Variants in NCKAP1L observed in about 807,000 individuals in gnomAD.
NCKAP1L encodes the protein nck-associated protein 1-like.
In NCKAP1L, 53 loss-of-function variants were observed where a neutral mutation model predicts 139.2. The observed-to-expected ratio is 0.38, with a 90% confidence interval of 0.31 to 0.48. The LOEUF is 0.48. NCKAP1L is among the 20% of genes least tolerant of loss of function. NCKAP1L has a pLI of 0.98. For missense variants in NCKAP1L, 1,151 were observed against 1,381.9 expected (o/e 0.83, Z 2.65); for synonymous variants, 468 against 499.7 (o/e 0.94, Z 0.85).
rs747154332 is a variant in NCKAP1L at position 54,507,878 on chromosome 12, C to T, written c.332C>T (p.Thr111Ile). ...GATCATGTATATGAACTTCTCAACACCATTGATGCCTGCCAGTGCCATTTT... is the reference window on the plus strand; with the variant it reads ...GATCATGTATATGAACTTCTCAACATCATTGATGCCTGCCAGTGCCATTTT... ...FRDHVYELLN[T>I]IDACQCHFDI... Residue 111 changes from threonine (T) to isoleucine (I), a missense_variant, in exon 4 of 31, where the codon ACC (threonine) becomes ATC (isoleucine). Physicochemically the swap from Thr to Ile is moderately conservative, Grantham distance 89. Coordinates refer to ENST00000293373, the MANE Select transcript of NCKAP1L (RefSeq NM_005337.5). 9.3e-6 allele frequency: 15 copies of T among 1,613,992 alleles called. 1 individual carries two copies. The highest frequency in any genetic ancestry group is 5.5e-5 in the South Asian group (5 of 91,076).
chr12:54,526,844 G>T (rs1957031170), intron 21 of NCKAP1L, 98 bp downstream of exon 21: 2 of 948,142 alleles, frequency 2.1e-6, no homozygotes, highest in African/African-American at 1.6e-5. Context: ...AGCTCCCAGG[G>T]TCATAGACTC....
intron 12 of NCKAP1L, 51 bp downstream of exon 12, chr12:54,517,693 G>A: frequency 7.0e-6 from 11 of 1,580,046 alleles, no homozygotes; most frequent in Non-Finnish European, 9.6e-6. Flanking sequence ...ACTGGGGACA[G>A]GGAGGCATCA....
chr12:54,500,632 TC>T lies in NCKAP1L; in HGVS notation c.306+8del, dbSNP rs1473017567. ...GGATGTCATGGAATTTCGGGTGAGCTCTCTTGAGCCGTTTCCAATGTAGGCA... is the reference window on the plus strand; with the variant it reads ...GGATGTCATGGAATTTCGGGTGAGCTTCTTGAGCCGTTTCCAATGTAGGCA... On this transcript the variant is annotated splice_region_variant and intron_variant, in intron 3 of 30. Transcript: ENST00000293373. 24 of 1,577,122 alleles carry T rather than the reference TC, an allele frequency of 1.5e-5. 1 individual carries two copies. In the Admixed American group the frequency reaches 2.8e-4, roughly 19 times the overall value.
chr12:54,517,943 G>T lies in NCKAP1L; in HGVS notation c.1338+5G>T. On this transcript the variant is annotated splice_donor_5th_base_variant and intron_variant, in intron 13 of 30. Coordinates refer to ENST00000293373, the MANE Select transcript of NCKAP1L (RefSeq NM_005337.5). ...GTGCTCAGTGACATCATTCAGGTAT[G>T]ATATTTAATTGATTATACTTTGGAA... 1 of 1,613,928 alleles carries T rather than the reference G, an allele frequency of 6.2e-7. No individual in the cohort carries two copies. Among genetic ancestry groups the T allele is most frequent in the Non-Finnish European group, 8.5e-7 (1 of 1,179,910 alleles).
Position 54,517,421 on chromosome 12 carries a change from C to A in NCKAP1L, c.1096-112C>A, listed in dbSNP as rs557585998. On this transcript the variant is annotated intron_variant, in intron 11 of 30. Coordinates refer to ENST00000293373, the MANE Select transcript of NCKAP1L (RefSeq NM_005337.5). ...TGAGTCTGAATGTTTATTATTCACA[C>A]TGTTGTGGCTACACAATTACATCCA... 105 of 728,420 alleles carry A rather than the reference C, an allele frequency of 1.4e-4. 1 individual carries two copies. In the South Asian group the frequency reaches 1.6e-3, roughly 11 times the overall value. 45.1% of individuals were successfully genotyped at this position (728,420 alleles called of 1,614,324 possible).
chr12:54,533,774 T>G lies in NCKAP1L; in HGVS notation c.2863-1330T>G, dbSNP rs1957092416. ...TAGTAAAGACAGGGTTTCACCAGGTTGGCCAGGCTTGTCTCCAACTCCTGG... is the reference window on the plus strand; with the variant it reads ...TAGTAAAGACAGGGTTTCACCAGGTGGGCCAGGCTTGTCTCCAACTCCTGG... On this transcript the variant is annotated intron_variant, in intron 26 of 30. Transcript: ENST00000293373. Among the ~76,000 whole-genome samples the G allele has an allele frequency of 2.6e-5, 4 of 152,176 alleles. No homozygotes were observed. The South Asian group carries it at 8.3e-4, about 32-fold the overall frequency.
chr12:54,542,760 T>A lies in NCKAP1L; in HGVS notation c.*75T>A. ...GCCATAGTGGAAGCTGTGGTCACTT[T>A]CGCAGGGGGTGGGAATGGGGTGGGG... On this transcript the variant is annotated 3_prime_UTR_variant, in exon 31 of 31. Transcript: ENST00000293373. The A allele has an allele frequency of 7.1e-6, 4 of 566,570 alleles. No individual in the cohort carries two copies. Among genetic ancestry groups the A allele is most frequent in the Non-Finnish European group, 1.3e-5 (4 of 297,550 alleles). 35.1% of individuals were successfully genotyped at this position (566,570 alleles called of 1,614,324 possible).
chr12:54,531,655 A>G, intron 24 of NCKAP1L, 71 bp downstream of exon 24: 1 of 1,601,342 alleles, frequency 6.2e-7, no homozygotes, highest in South Asian at 1.1e-5. Flanking sequence ...GTTTTCAGGA[A>G]TCTGGAGGCT....
Position 54,518,658 on chromosome 12 carries a change from C to T in NCKAP1L, c.1346C>T (p.Ser449Phe), listed in dbSNP as rs752399252. 1.2e-6 allele frequency: 2 copies of T among 1,613,994 alleles called. No individual in the cohort carries two copies. Among genetic ancestry groups the T allele is most frequent in the South Asian group, 2.2e-5 (2 of 91,080 alleles). The change falls in exon 14 of 31, where the codon TCT becomes TTT. Residue 449 changes from serine (S) to phenylalanine (F), a missense_variant. Physicochemically the swap from Ser to Phe is radical, Grantham distance 155. Coordinates refer to ENST00000293373, the MANE Select transcript of NCKAP1L (RefSeq NM_005337.5). ...CTGCAGCTCCTTTTTTAGAACTTGTCTGTGTGTCCAGAGGAGGAGTCCATC... is the reference window on the plus strand; with the variant it reads ...CTGCAGCTCCTTTTTTAGAACTTGTTTGTGTGTCCAGAGGAGGAGTCCATC... ...LVLSDIIQNL[S>F]VCPEEESIIM...
In NCKAP1L at chr12:54,528,309, A is replaced by G; in HGVS notation, c.2438A>G (p.Gln813Arg). The G allele has an allele frequency of 6.2e-7, 1 of 1,614,022 alleles. No homozygotes were observed. The highest frequency in any genetic ancestry group is 1.1e-5 in the South Asian group (1 of 91,072). The change falls in exon 22 of 31, where the codon CAG (glutamine) becomes CGG (arginine). Residue 813 changes from glutamine to arginine, a missense_variant. Transcript: ENST00000293373. ...SGTIILSPAM[Q>R]AFVSLPREGE... ...ACCATCATCCTCTCCCCAGCCATGC[A>G]GGCCTTCGTCAGCCTGCCCAGAGAA...
chr12:54,498,978 T>G, intron 1 of NCKAP1L: 1 of 261,162 alleles, frequency 3.8e-6, no homozygotes, highest in Non-Finnish European at 5.9e-6. Flanking sequence ...CAGGCTGGAG[T>G]GCAGTGGCAC....
At position 54,523,975 on chromosome 12, in the gene NCKAP1L, C is replaced by A; in HGVS notation, c.2156+19C>A. On this transcript the variant is annotated intron_variant, in intron 20 of 30. Coordinates refer to ENST00000293373, the MANE Select transcript of NCKAP1L (RefSeq NM_005337.5). ...TCAACAGGTATCACTCTTTCCTTGT[C>A]CTCTGTTTGGACAGTAGTCTTCATA... 6.2e-7 allele frequency: 1 copy of A among 1,610,520 alleles called. No individual in the cohort carries two copies.
intron 11 of NCKAP1L, 135 bp downstream of exon 11, chr12:54,517,127 A>G (rs1565676567): frequency 1.4e-6 from 1 of 706,636 alleles, no homozygotes; most frequent in Admixed American, 2.6e-5. Flanking sequence ...TCCCTTGAAC[A>G]TTCTTGGAGT....
At chr12:54,532,058 T>C in intron 25 of NCKAP1L, 112 bp from the exon 26 acceptor site, 1 of 883,932 alleles carries the variant, frequency 1.1e-6, no homozygotes, top group Non-Finnish European at 1.7e-6. Flanking sequence ...GAAAGCTGGC[T>C]AGGTTCTTAT....
At chr12:54,506,785 TAA>T (rs1291340610) in intron 3 of NCKAP1L, among the ~76,000 whole-genome samples, 19 of 60,344 alleles carry the variant, frequency 3.1e-4, no homozygotes, top group South Asian at 7.9e-4. Context: ...GGCAACATAT[TAA>T]AAAAAAAAAA....
chr12:54,526,609 A>G lies in NCKAP1L; in HGVS notation c.2238A>G (p.Ala746=), dbSNP rs529783939. 1 of 1,614,108 alleles carries G rather than the reference A, an allele frequency of 6.2e-7. No individual in the cohort carries two copies. The highest frequency in any genetic ancestry group is 1.1e-5 in the South Asian group (1 of 91,074). The change falls in exon 21 of 31, where the codon GCA becomes GCG. Residue 746 remains alanine (A), a synonymous_variant. Transcript: ENST00000293373. Reference sequence around the variant, plus strand: ...CTGAGCTGTTGGCAGGAGTCAAAGCATACATTGGTTTCATACAGTCACTGG... The same window carrying G: ...CTGAGCTGTTGGCAGGAGTCAAAGCGTACATTGGTTTCATACAGTCACTGG... ...RPSELLAGVK[A]YIGFIQSLAQ...
chr12:54,506,403 AAT>A (rs202128557), intron 3 of NCKAP1L, among the ~76,000 whole-genome samples: 1 of 150,570 alleles, frequency 6.6e-6, no homozygotes. Context: ...GCTTATTATA[AAT>A]ATATATATAT....
chr12:54,500,805 A>G, intron 3 of NCKAP1L, 180 bp downstream of exon 3: 1 of 538,408 alleles, frequency 1.9e-6, no homozygotes, highest in Admixed American at 3.4e-5. Context: ...TATATGATAC[A>G]TCACATTTCT....
In NCKAP1L at chr12:54,517,064, G is replaced by A. The variant is rs1177654208; in HGVS notation, c.1095+72G>A. 22 of 1,335,134 alleles carry A rather than the reference G, an allele frequency of 1.6e-5. No individual in the cohort carries two copies. The Admixed American group carries it at 3.2e-4, about 19-fold the overall frequency. The allele number at this position is 1,335,134 out of a possible 1,614,324, so 82.7% of individuals were successfully genotyped here. ...GACTGTGTAGCTACGTGGCACTCAC[G>A]AGATTTTGCCTTTCTGAGTCTTTTG... On this transcript the variant is annotated intron_variant, in intron 11 of 30. Transcript: ENST00000293373.
Sources: allele counts gnomAD v4.1 joint callset (sites outside exome capture counted in the v4.1 genomes callset), GRCh38; gene constraint gnomAD v4.1.1; transcripts MANE v1.5; gene names NCBI Gene and HGNC (gene_info 2026-07-23, HGNC 2026-07-21).